The following TAOK1 variants were observed in gnomAD, a reference collection of about 807,000 sequenced individuals.
TAOK1 encodes TAO kinase 1, also known as serine/threonine-protein kinase TAO1.
In TAOK1, 21 loss-of-function variants were observed where a neutral mutation model predicts 138.3. That is an observed-to-expected ratio of 0.15 (90% CI 0.11 to 0.22). TAOK1 has a LOEUF of 0.22. TAOK1 is among the 10% of genes least tolerant of loss of function. The pLI, the probability that TAOK1 is intolerant of heterozygous loss-of-function variation, is 1.00. For missense variants in TAOK1, 651 were observed against 1,227.7 expected (o/e 0.53, Z 7.02); for synonymous variants, 361 against 398.4 (o/e 0.91, Z 1.12).
rs762680224 is a variant in TAOK1 at position 29,467,121 on chromosome 17, CTTCT to C, written c.133-10_133-7del. ...ATTTCACCTGTTAATTTTTACAGTG[CTTCT>C]TTCTTTCTTTCTTCTTTAGGCACGA... On this transcript the variant is annotated intron_variant, in intron 2 of 19. Transcript: ENST00000261716. The C allele has an allele frequency of 9.0e-5, 138 of 1,536,268 alleles. No individual in the cohort carries two copies. Among genetic ancestry groups the C allele is most frequent in the South Asian group, 2.3e-4 (19 of 81,154 alleles).
At chr17:29,494,804 C>T (rs1022108248) in intron 10 of TAOK1, among the ~76,000 whole-genome samples, 14 of 122,946 alleles carry the variant, frequency 1.1e-4, no homozygotes, top group Non-Finnish European at 1.9e-4. Flanking sequence ...CCAGCCTGGG[C>T]AACAGAGGGA....
At chr17:29,535,335 C>T (rs1299213335) in intron 19 of TAOK1, among the ~76,000 whole-genome samples, 5 of 151,300 alleles carry the variant, frequency 3.3e-5, no homozygotes, top group Non-Finnish European at 7.4e-5. Flanking sequence ...ATAAATAAAA[C>T]AGTGGTCGAT....
At chr17:29,462,502 A>C (rs1451252612) in intron 2 of TAOK1, among the ~76,000 whole-genome samples, 1 of 152,170 alleles carries the variant, frequency 6.6e-6, no homozygotes, top group Non-Finnish European at 1.5e-5. Flanking sequence ...CAGCAAAATC[A>C]TTTATTTACT....
intron 1 of TAOK1, among the ~76,000 whole-genome samples, chr17:29,419,370 A>G (rs1039483588): frequency 6.6e-6 from 1 of 151,232 alleles, no homozygotes; most frequent in Non-Finnish European, 1.5e-5. Flanking sequence ...CTAATTTTGT[A>G]TTTTTAATAG....
intron 2 of TAOK1, among the ~76,000 whole-genome samples, chr17:29,466,157 G>A (rs2030662676): frequency 6.6e-6 from 1 of 152,006 alleles, no homozygotes; most frequent in Non-Finnish European, 1.5e-5. Context: ...ATTCCTGTGT[G>A]TTTTGTTTTT....
chr17:29,472,261 T>G (rs2030836556), intron 3 of TAOK1, among the ~76,000 whole-genome samples: 1 of 151,818 alleles, frequency 6.6e-6, no homozygotes, highest in South Asian at 2.1e-4. Flanking sequence ...TGTGTGTTTT[T>G]TTTTTTTTTG....
chr17:29,475,601 C>A, intron 3 of TAOK1, 69 bp from the exon 4 acceptor site: 1 of 1,074,002 alleles, frequency 9.3e-7, no homozygotes, highest in Non-Finnish European at 1.4e-6. Flanking sequence ...TTAGTAATTA[C>A]TTTTATTCTT....
chr17:29,529,823 C>T (rs909236541), intron 17 of TAOK1, among the ~76,000 whole-genome samples: 4 of 150,558 alleles, frequency 2.7e-5, no homozygotes, highest in African/African-American at 7.4e-5. Flanking sequence ...GCCAAGATTG[C>T]GCCATTGGAC....
chr17:29,539,310 G>A (rs1050681192), intron 19 of TAOK1, among the ~76,000 whole-genome samples: 2 of 152,088 alleles, frequency 1.3e-5, no homozygotes, highest in Admixed American at 6.6e-5. Context: ...AAAAATTGCA[G>A]AAGAGGCCGG....
At chr17:29,463,715 GAAC>G (rs1387026491) in intron 2 of TAOK1, among the ~76,000 whole-genome samples, 4 of 152,282 alleles carry the variant, frequency 2.6e-5, no homozygotes, top group South Asian at 2.1e-4. Flanking sequence ...TTAAAAGTGT[GAAC>G]AACAACAACA....
intron 19 of TAOK1, among the ~76,000 whole-genome samples, chr17:29,540,547 T>A (rs751300388): frequency 4.6e-4 from 69 of 150,030 alleles, no homozygotes; most frequent in Admixed American, 2.3e-3. Context: ...CTTTTTGTTT[T>A]TGGGTTGTTT....
chr17:29,396,829 A>G (rs1029804540), intron 1 of TAOK1, among the ~76,000 whole-genome samples: 3 of 151,736 alleles, frequency 2.0e-5, no homozygotes. Context: ...CGTCTCTACT[A>G]AAAATACAAA....
intron 1 of TAOK1, among the ~76,000 whole-genome samples, chr17:29,418,379 T>C (rs1389121465): frequency 6.6e-6 from 1 of 152,124 alleles, no homozygotes; most frequent in Non-Finnish European, 1.5e-5. Context: ...TTTTTATTTT[T>C]ATTTTTTGTA....
At chr17:29,496,248 G>A (rs979539809) in intron 11 of TAOK1, among the ~76,000 whole-genome samples, 10 of 151,842 alleles carry the variant, frequency 6.6e-5, no homozygotes, top group Admixed American at 6.6e-5. Context: ...TTATAGGCGC[G>A]CACCACCACA....
At chr17:29,412,390 A>T (rs957107649) in intron 1 of TAOK1, among the ~76,000 whole-genome samples, 28 of 151,748 alleles carry the variant, frequency 1.8e-4, no homozygotes, top group African/African-American at 6.8e-4. Flanking sequence ...GCCTATGTTT[A>T]TGATGTCTCT....
intron 2 of TAOK1, among the ~76,000 whole-genome samples, chr17:29,460,486 G>A (rs1210225563): frequency 6.6e-6 from 1 of 152,108 alleles, no homozygotes; most frequent in African/African-American, 2.4e-5. Context: ...CACCACACCC[G>A]GCCTGTCAGT....
intron 15 of TAOK1, among the ~76,000 whole-genome samples, chr17:29,515,161 A>G (rs890767029): frequency 1.3e-5 from 2 of 152,132 alleles, no homozygotes; most frequent in Non-Finnish European, 2.9e-5. Context: ...GTGGTTATTA[A>G]TGCTGAAAAT....
intron 17 of TAOK1, 100 bp downstream of exon 17, chr17:29,522,619 G>C (rs558072790): frequency 1.3e-5 from 19 of 1,482,526 alleles, no homozygotes; most frequent in Non-Finnish European, 1.3e-5. Flanking sequence ...TAAAGAAATT[G>C]ACTAAGCTTC....
At chr17:29,514,954 G>A (rs1385453071) in intron 15 of TAOK1, 1 of 144,772 alleles carries the variant, frequency 6.9e-6, no homozygotes, top group Non-Finnish European at 1.5e-5. Context: ...AGCTGAATTC[G>A]TGCCAGTGCA....
Sources: gnomAD v4.1 joint callset for allele counts (sites outside exome capture counted in the v4.1 genomes callset) on GRCh38, gnomAD v4.1.1 for gene constraint, MANE v1.5 for transcripts, NCBI Gene and HGNC (gene_info 2026-07-23, HGNC 2026-07-21) for gene names.